Variants in PLEKHA6 observed in about 807,000 individuals in gnomAD.
The protein encoded by PLEKHA6 is pleckstrin homology domain containing A6.
PLEKHA6 carries 60 observed loss-of-function variants against 116.7 expected under a neutral mutation model. The observed-to-expected ratio is 0.51, with a 90% CI of 0.42 to 0.64. PLEKHA6 has a LOEUF of 0.64. Among genes scored for constraint, PLEKHA6 ranks in the 30% least tolerant of loss-of-function variants. The pLI is 0.00. For synonymous variants in PLEKHA6, 489 were observed against 556.1 expected, an observed-to-expected ratio of 0.88 and a Z score of 1.70; for missense variants, 1,338 against 1,422.7, an observed-to-expected ratio of 0.94 and a Z score of 0.96.
chr1:204,230,214 T>C (rs1043714935), intron 18 of PLEKHA6, among the ~76,000 whole-genome samples, 199 bp downstream of exon 18: 1 of 152,254 alleles, frequency 6.6e-6, no homozygotes, highest in Non-Finnish European at 1.5e-5. Context: ...TTATTTTCTT[T>C]AAACAAGAAA....
Position 204,228,648 on chromosome 1 carries a change from C to T in PLEKHA6, c.2885+80G>A, listed in dbSNP as rs1440111015. Reference sequence around the variant, plus strand: ...TGCTCTCCCCTGGGGAGGCTCTGTGCCCCCAACGACTTCTAGTGGCCCAGG... The same window carrying T: ...TGCTCTCCCCTGGGGAGGCTCTGTGTCCCCAACGACTTCTAGTGGCCCAGG... On this transcript the variant is annotated intron_variant, in intron 20 of 22. Transcript: ENST00000272203. This position sits in a 1 kb window ranked among gnomAD's most constrained non-coding sequence, Gnocchi z 4.0. 6 of 1,366,154 alleles carry T rather than the reference C, an allele frequency of 4.4e-6. No homozygotes were observed. The highest frequency in any genetic ancestry group is 3.6e-5 in the South Asian group (3 of 82,950). The allele number at this position is 1,366,154 out of a possible 1,614,324, so 84.6% of individuals were successfully genotyped here. A position where few individuals can be genotyped will look rare whatever the true frequency, so the allele number is the denominator to read the frequency against.
At chr1:204,270,999 CCT>C (rs746271725) in intron 3 of PLEKHA6, among the ~76,000 whole-genome samples, 22 of 152,222 alleles carry the variant, frequency 1.4e-4, no homozygotes, top group Non-Finnish European at 2.9e-4. Context: ...TCCTGATCCC[CCT>C]GAGTGGTTAG....
rs76492872 is a variant in PLEKHA6, at chr1:204,323,104, G to A, written c.-95+36590C>T. On this transcript the variant is annotated intron_variant, in intron 1 of 22. Coordinates refer to ENST00000272203, the MANE Select transcript of PLEKHA6 (RefSeq NM_014935.5). The stretch of plus-strand genomic sequence containing the variant: ...GCTAAGGGTCTACAGCTATGTGGCA[G>A]GCATTAACTGTGTATCTACTATGTG... 7.9e-3 allele frequency among the ~76,000 whole-genome samples: 1,197 copies of A among 152,354 alleles called. 12 individuals carry two copies. Among genetic ancestry groups the A allele is most frequent in the African/African-American group, 0.026 (1,068 of 41,576 alleles).
At chr1:204,283,985 C>T (rs561984364) in intron 1 of PLEKHA6, among the ~76,000 whole-genome samples, 3 of 152,296 alleles carry the variant, frequency 2.0e-5, no homozygotes, top group South Asian at 4.2e-4. Context: ...AGCAGGCTCA[C>T]CACTGCCTGG....
intron 3 of PLEKHA6, among the ~76,000 whole-genome samples, chr1:204,272,608 C>G (rs1038588026): frequency 3.9e-5 from 6 of 152,154 alleles, no homozygotes; most frequent in African/African-American, 1.4e-4. Context: ...GGAGCTAAAA[C>G]TCCCTCAAGC....
At chr1:204,325,968 T>G in intron 1 of PLEKHA6, 4 of 910,016 alleles carry the variant, frequency 4.4e-6, no homozygotes, top group Non-Finnish European at 3.9e-6. Context: ...AGGGGCAGAG[T>G]CCCTCTGCCC....
At chr1:204,285,536 T>C (rs1333055165) in intron 1 of PLEKHA6, among the ~76,000 whole-genome samples, 1 of 151,978 alleles carries the variant, frequency 6.6e-6, no homozygotes, top group Non-Finnish European at 1.5e-5. Flanking sequence ...AGTTCAGTAG[T>C]GCGATTTTGG....
chr1:204,306,785 T>C (rs1558167956), intron 1 of PLEKHA6, among the ~76,000 whole-genome samples: 1 of 152,142 alleles, frequency 6.6e-6, no homozygotes, highest in Non-Finnish European at 1.5e-5. Flanking sequence ...CTCAGCATTA[T>C]GCAATATATC....
Position 204,265,795 on chromosome 1 carries a change from CT to C in PLEKHA6, c.281-754del, listed in dbSNP as rs201350113. ...CTATGTCTCCACAGGAAAAGGAGTG[CT>C]CCCTGCATGGAGTGCTCTGGCCCTC... On this transcript the variant is annotated intron_variant, in intron 5 of 22. Transcript: ENST00000272203. Among the ~76,000 whole-genome samples, 1,399 of 152,326 alleles carry C rather than the reference CT, an allele frequency of 9.2e-3. 23 individuals are homozygous for C. Among genetic ancestry groups the C allele is most frequent in the African/African-American group, 0.032 (1,323 of 41,564 alleles).
At chr1:204,301,562 G>A (rs1670821923) in intron 1 of PLEKHA6, 2 of 696,062 alleles carry the variant, frequency 2.9e-6, no homozygotes, top group Non-Finnish European at 3.5e-6. Context: ...GGCTTCATCT[G>A]TACCACTTAC....
rs557614719 is a variant in PLEKHA6 at position 204,250,479 on chromosome 1, A to G, written c.1593+67T>C. On this transcript the variant is annotated intron_variant, in intron 10 of 22. Coordinates refer to ENST00000272203, the MANE Select transcript of PLEKHA6 (RefSeq NM_014935.5). ...GAGGAAGAGAGATGGATGGAGAGACAGCCCCCCGCAGAGGACAGCAGCAGG... is the reference window on the plus strand; with the variant it reads ...GAGGAAGAGAGATGGATGGAGAGACGGCCCCCCGCAGAGGACAGCAGCAGG... 4.2e-4 allele frequency: 443 copies of G among 1,059,426 alleles called. 9 individuals carry two copies. The South Asian group carries it at 5.5e-3, about 13-fold the overall frequency. The allele number at this position is 1,059,426 out of a possible 1,614,324, so 65.6% of individuals were successfully genotyped here. A position where few individuals can be genotyped will look rare whatever the true frequency, so the allele number is the denominator to read the frequency against.
At chr1:204,377,085 G>A (rs1673883335) in intron 1 of PLEKHA6, among the ~76,000 whole-genome samples, 1 of 152,192 alleles carries the variant, frequency 6.6e-6, no homozygotes, top group African/African-American at 2.4e-5. Flanking sequence ...AAAGAAGCAG[G>A]ACAGGAGAGG....
intron 1 of PLEKHA6, among the ~76,000 whole-genome samples, chr1:204,308,683 T>TTTCTTTG (rs200113215): frequency 1.6e-5 from 2 of 121,560 alleles, no homozygotes; most frequent in African/African-American, 3.4e-5. Flanking sequence ...TTCTTTTTCT[T>TTTCTTTG]TTTCTTTTTT....
At chr1:204,293,011 G>C (rs1391791634) in intron 1 of PLEKHA6, among the ~76,000 whole-genome samples, 1 of 152,070 alleles carries the variant, frequency 6.6e-6, no homozygotes, top group East Asian at 1.9e-4. Flanking sequence ...TCCTGGCATG[G>C]AGCCCCACCT....
At chr1:204,245,267 T>C (rs140125581) in intron 14 of PLEKHA6, among the ~76,000 whole-genome samples, 2,201 of 152,054 alleles carry the variant, frequency 0.014, 32 homozygotes, top group South Asian at 0.036. Flanking sequence ...GGAAAGCCAG[T>C]CTGAGGTCCC....
intron 1 of PLEKHA6, among the ~76,000 whole-genome samples, chr1:204,345,161 T>C (rs2103332901): frequency 6.6e-6 from 1 of 152,286 alleles, no homozygotes; most frequent in South Asian, 2.1e-4. Context: ...AAATATAACT[T>C]AATAAGTATA....
At chr1:204,256,380 A>T (rs1318653265) in intron 9 of PLEKHA6, among the ~76,000 whole-genome samples, 1 of 152,174 alleles carries the variant, frequency 6.6e-6, no homozygotes, top group East Asian at 1.9e-4. Context: ...CCTCAATCAT[A>T]TCGCTTGTAT....
At chr1:204,287,453 G>C (rs1055469302) in intron 1 of PLEKHA6, among the ~76,000 whole-genome samples, 7 of 152,112 alleles carry the variant, frequency 4.6e-5, no homozygotes, top group Non-Finnish European at 8.8e-5. Flanking sequence ...TTGAGGGAAT[G>C]GGGGCAACAG....
At chr1:204,251,802 A>G (rs962454979) in intron 9 of PLEKHA6, among the ~76,000 whole-genome samples, 1 of 152,156 alleles carries the variant, frequency 6.6e-6, no homozygotes, top group Non-Finnish European at 1.5e-5. Flanking sequence ...CCTTGCAGAA[A>G]GGCCACAGAA....
Sources: gnomAD v4.1 joint callset for allele counts (sites outside exome capture counted in the v4.1 genomes callset) on GRCh38, gnomAD v4.1.1 for gene constraint, Gnocchi (gnomAD v3.1) non-coding constraint, MANE v1.5 for transcripts, NCBI Gene and HGNC (gene_info 2026-07-23, HGNC 2026-07-21) for gene names.